The following ROBO2 variants were observed in gnomAD, a reference collection of about 807,000 sequenced individuals.
ROBO2 encodes the protein roundabout guidance receptor 2.
Under a neutral mutation model 160.8 loss-of-function variants are expected in ROBO2, and 53 were observed. The observed-to-expected ratio is 0.33, with a 90% CI of 0.26 to 0.41. ROBO2 has a LOEUF of 0.41. Among genes scored for constraint, ROBO2 ranks in the 10% least tolerant of loss-of-function variants. ROBO2 has a pLI of 1.00. For synonymous variants in ROBO2, 664 were observed against 611.7 expected (o/e 1.09, Z -1.26); for missense variants, 1,577 against 1,722.4 (o/e 0.92, Z 1.49).
chr3:77,383,242 T>C (rs1289460366), intron 2 of ROBO2, among the ~76,000 whole-genome samples: 1 of 152,090 alleles, frequency 6.6e-6, no homozygotes, highest in East Asian at 1.9e-4. Context: ...TTCTCATCTG[T>C]AAAATGAAAA....
chr3:76,122,684 T>C (rs921409092), intron 2 of ROBO2, among the ~76,000 whole-genome samples: 16 of 152,156 alleles, frequency 1.1e-4, no homozygotes, highest in Non-Finnish European at 2.2e-4. Flanking sequence ...ATTTTTTCCT[T>C]TTTACTTTTC....
chr3:77,318,575 C>G (rs2064318476), intron 2 of ROBO2, among the ~76,000 whole-genome samples: 1 of 152,164 alleles, frequency 6.6e-6, no homozygotes, highest in Admixed American at 6.5e-5. Context: ...TAAAATCACA[C>G]ATTTTAAAGT....
chr3:77,533,122 A>C (rs1288321483), intron 6 of ROBO2, among the ~76,000 whole-genome samples: 3 of 152,160 alleles, frequency 2.0e-5, no homozygotes, highest in African/African-American at 7.2e-5. Context: ...GTAATTCAAT[A>C]ACCCTTATTT....
chr3:77,152,056 A>C (rs1413838370), intron 2 of ROBO2, among the ~76,000 whole-genome samples: 1 of 152,020 alleles, frequency 6.6e-6, no homozygotes, highest in African/African-American at 2.4e-5. Flanking sequence ...TTTGCTTTTG[A>C]TTTTCTGGGC....
intron 1 of ROBO2, among the ~76,000 whole-genome samples, chr3:77,079,534 A>G (rs1341896139): frequency 6.6e-6 from 1 of 152,264 alleles, no homozygotes; most frequent in African/African-American, 2.4e-5. Flanking sequence ...ACTTTTAAGT[A>G]TAATCAAGAT....
At chr3:76,328,563 A>G (rs1467052348) in intron 2 of ROBO2, among the ~76,000 whole-genome samples, 2 of 152,026 alleles carry the variant, frequency 1.3e-5, no homozygotes, top group African/African-American at 4.8e-5. Flanking sequence ...CATCTCTACT[A>G]AACATACAAA....
At chr3:76,805,781 C>T (rs1343841331) in intron 2 of ROBO2, among the ~76,000 whole-genome samples, 3 of 151,648 alleles carry the variant, frequency 2.0e-5, no homozygotes, top group Non-Finnish European at 4.4e-5. Flanking sequence ...AAAATTTGGC[C>T]TCATAGGTCA....
chr3:76,761,908 CA>C (rs1374558403), intron 2 of ROBO2, among the ~76,000 whole-genome samples: 1 of 151,576 alleles, frequency 6.6e-6, no homozygotes, highest in East Asian at 2.0e-4. Context: ...GTACCCAGTT[CA>C]GTGTTTGATA....
At chr3:76,462,529 G>A (rs1017282643) in intron 2 of ROBO2, among the ~76,000 whole-genome samples, 1 of 151,248 alleles carries the variant, frequency 6.6e-6, no homozygotes, top group Non-Finnish European at 1.5e-5. Flanking sequence ...ATTTTATGGT[G>A]CAATTATAGA....
At chr3:76,211,752 T>G (rs886678817) in intron 2 of ROBO2, among the ~76,000 whole-genome samples, 1 of 152,082 alleles carries the variant, frequency 6.6e-6, no homozygotes, top group East Asian at 1.9e-4. Flanking sequence ...AATTTAAAGA[T>G]TCTGTCTTTC....
intron 23 of ROBO2, among the ~76,000 whole-genome samples, chr3:77,625,157 TA>T (rs1462012662): frequency 1.3e-5 from 2 of 151,712 alleles, no homozygotes; most frequent in South Asian, 2.1e-4. Context: ...TGGAAAAGGC[TA>T]AAAAAAAGAA....
intron 2 of ROBO2, among the ~76,000 whole-genome samples, chr3:77,314,038 G>A (rs1347589490): frequency 1.3e-5 from 2 of 152,182 alleles, no homozygotes; most frequent in Admixed American, 6.5e-5. Flanking sequence ...TTGACACTCT[G>A]GTGATAGTGG....
intron 2 of ROBO2, among the ~76,000 whole-genome samples, chr3:76,860,956 C>T (rs1283509632): frequency 6.6e-6 from 1 of 152,100 alleles, no homozygotes; most frequent in East Asian, 1.9e-4. Flanking sequence ...TTCTCTTCAG[C>T]CCATTCAGCC....
chr3:76,916,739 A>T (rs1215926192), intron 2 of ROBO2, among the ~76,000 whole-genome samples: 3 of 152,162 alleles, frequency 2.0e-5, no homozygotes, highest in Non-Finnish European at 4.4e-5. Context: ...ACACCATAAC[A>T]TTTCCTTCTA....
intron 2 of ROBO2, among the ~76,000 whole-genome samples, chr3:77,457,943 ATACTT>A (rs1456140750): frequency 6.6e-6 from 1 of 152,190 alleles, no homozygotes; most frequent in Non-Finnish European, 1.5e-5. Context: ...GGGCAAATAA[ATACTT>A]TATAAGAGAC....
At chr3:77,451,621 C>T (rs1438975213) in intron 2 of ROBO2, among the ~76,000 whole-genome samples, 1 of 152,048 alleles carries the variant, frequency 6.6e-6, no homozygotes, top group Non-Finnish European at 1.5e-5. Flanking sequence ...CACTCTTTGA[C>T]TATTCCACCA....
rs575093475 is a variant in ROBO2 at position 77,260,317 on chromosome 3, T to C, written c.388+161977T>C. Reference sequence around the variant, plus strand: ...ACATTATTATAGCCCTTAACCCAACTTACTGGAGTAGCATATTGATCTCTA... The same window carrying C: ...ACATTATTATAGCCCTTAACCCAACCTACTGGAGTAGCATATTGATCTCTA... On this transcript the variant is annotated intron_variant, in intron 2 of 25. Transcript: ENST00000461745. Among the ~76,000 whole-genome samples, 27 of 152,312 alleles carry C rather than the reference T, an allele frequency of 1.8e-4. No individual in the cohort carries two copies. The South Asian group carries it at 5.6e-3, about 32-fold the overall frequency.
chr3:76,772,733 G>T (rs1387193566), intron 2 of ROBO2, among the ~76,000 whole-genome samples: 2 of 150,970 alleles, frequency 1.3e-5, no homozygotes, highest in Non-Finnish European at 3.0e-5. Flanking sequence ...TGCCAGAGTG[G>T]ACTATTACTA....
intron 2 of ROBO2, among the ~76,000 whole-genome samples, chr3:76,015,287 A>G (rs1315638083): frequency 6.6e-6 from 1 of 152,204 alleles, no homozygotes; most frequent in Non-Finnish European, 1.5e-5. Context: ...ATATGTAAAA[A>G]TTATATAAAA....
Sources: gnomAD v4.1 joint callset for allele counts (sites outside exome capture counted in the v4.1 genomes callset) on GRCh38, gnomAD v4.1.1 for gene constraint, MANE v1.5 for transcripts, NCBI Gene and HGNC (gene_info 2026-07-23, HGNC 2026-07-21) for gene names.